Variants in CAPSL observed in about 807,000 individuals in gnomAD.
CAPSL encodes the protein calcyphosin-like protein.
CAPSL carries 17 observed loss-of-function variants against 21.3 expected under a neutral mutation model. That is an observed-to-expected ratio of 0.80 (90% confidence interval 0.55 to 1.20). CAPSL has a LOEUF of 1.20. Among genes scored for constraint, CAPSL ranks in the 50% most tolerant of loss-of-function variants. The pLI is 0.00. For synonymous variants in CAPSL, 102 were observed against 89.3 expected (o/e 1.14, Z -0.80); for missense variants, 289 against 259.3 (o/e 1.11, Z -0.79).
chr5:35,908,509 C>T (rs1322234167), intron 4 of CAPSL, among the ~76,000 whole-genome samples: 2 of 152,160 alleles, frequency 1.3e-5, no homozygotes, highest in Admixed American at 6.5e-5. Flanking sequence ...AAAAGGGTAG[C>T]TGAGGTTTCC....
intron 1 of CAPSL, 79 bp from the exon 2 acceptor site, chr5:35,921,199 C>A: frequency 6.6e-7 from 1 of 1,512,330 alleles, no homozygotes. Context: ...AGAAGCCTCA[C>A]TGAGAAGGAA....
intron 1 of CAPSL, among the ~76,000 whole-genome samples, chr5:35,929,740 A>G (rs1458768944): frequency 2.0e-5 from 3 of 152,200 alleles, no homozygotes; most frequent in Non-Finnish European, 4.4e-5. Context: ...GAGTGCTGCT[A>G]GATTTCATAC....
intron 2 of CAPSL, among the ~76,000 whole-genome samples, chr5:35,919,763 G>A (rs1738487708): frequency 6.6e-6 from 1 of 152,158 alleles, no homozygotes; most frequent in African/African-American, 2.4e-5. Flanking sequence ...CAGTAAGTGA[G>A]GCAGATGGCA....
At chr5:35,932,650 G>T (rs759013495) in intron 1 of CAPSL, among the ~76,000 whole-genome samples, 1 of 152,182 alleles carries the variant, frequency 6.6e-6, no homozygotes, top group Non-Finnish European at 1.5e-5. Context: ...TGCCTCAGTT[G>T]GCAGAAGAAA....
chr5:35,934,199 C>T (rs1738888380), intron 1 of CAPSL, among the ~76,000 whole-genome samples: 1 of 152,162 alleles, frequency 6.6e-6, no homozygotes, highest in African/African-American at 2.4e-5. Flanking sequence ...ATGGTTGAAG[C>T]CAAAAGTGTT....
At chr5:35,924,777 C>A (rs1282625490) in intron 1 of CAPSL, among the ~76,000 whole-genome samples, 1 of 152,180 alleles carries the variant, frequency 6.6e-6, no homozygotes, top group Non-Finnish European at 1.5e-5. Flanking sequence ...TAGTTTGAAT[C>A]CTGATCTCCT....
In CAPSL at chr5:35,905,023, A is replaced by G. The variant is rs577752855; in HGVS notation, c.526-377T>C. ...TGTGACACGTCAGAAACAACATGTC[A>G]TGTCCTTGTGTCAGGGTAAGTGATG... On this transcript the variant is annotated intron_variant, in intron 4 of 4. Transcript: ENST00000651391. 3.9e-5 allele frequency among the ~76,000 whole-genome samples: 6 copies of G among 152,300 alleles called. No individual in the cohort carries two copies. The South Asian group carries it at 1.2e-3, about 32-fold the overall frequency.
chr5:35,912,060 T>C (rs1738239771), intron 2 of CAPSL, among the ~76,000 whole-genome samples: 1 of 152,152 alleles, frequency 6.6e-6, no homozygotes, highest in African/African-American at 2.4e-5. Context: ...ACCAGGAGAT[T>C]ATATCCTGCA....
At chr5:35,936,903 A>C (rs1049967020) in intron 1 of CAPSL, among the ~76,000 whole-genome samples, 1 of 152,218 alleles carries the variant, frequency 6.6e-6, no homozygotes, top group African/African-American at 2.4e-5. Flanking sequence ...AGACACTTTC[A>C]GTTTAATGTT....
In CAPSL at chr5:35,921,248, C is replaced by T. The variant is rs915369416; in HGVS notation, c.1-128G>A. On this transcript the variant is annotated intron_variant, in intron 1 of 4. Transcript: ENST00000651391. ...TCTGTCAGGAAACCTCTCAGAATTT[C>T]CAATTTTTCTCTATGCCAACTGTGT... 4 of 1,181,390 alleles carry T rather than the reference C, an allele frequency of 3.4e-6. No homozygotes were observed. The East Asian group carries it at 7.6e-5, about 22-fold the overall frequency. 73.2% of individuals were successfully genotyped at this position (1,181,390 alleles called of 1,614,324 possible).
intron 4 of CAPSL, among the ~76,000 whole-genome samples, chr5:35,905,351 T>C (rs374160625): frequency 1.8e-4 from 28 of 152,304 alleles, no homozygotes; most frequent in African/African-American, 6.5e-4. Flanking sequence ...AGATAATATG[T>C]ACACTCTAAT....
rs1370377041 is a variant in CAPSL at position 35,919,066 on chromosome 5, C to G, written c.137+1918G>C. ...TGCAGAAGAAGCTCTATTTGGAAAACAAAAAACAAAAAAAATGACTTTTGT... is the reference window on the plus strand; with the variant it reads ...TGCAGAAGAAGCTCTATTTGGAAAAGAAAAAACAAAAAAAATGACTTTTGT... On this transcript the variant is annotated intron_variant, in intron 2 of 4. Coordinates refer to ENST00000651391, the MANE Select transcript of CAPSL (RefSeq NM_001042625.2). 2.1e-5 allele frequency among the ~76,000 whole-genome samples: 3 copies of G among 145,326 alleles called. No individual in the cohort carries two copies. The South Asian group carries it at 6.5e-4, about 32-fold the overall frequency.
chr5:35,908,062 T>G (rs75710767), intron 4 of CAPSL, among the ~76,000 whole-genome samples: 1,742 of 152,346 alleles, frequency 0.011, 34 homozygotes, highest in African/African-American at 0.04. Flanking sequence ...GCTCAAAAAG[T>G]GTTGCCCAGA....
intron 2 of CAPSL, among the ~76,000 whole-genome samples, chr5:35,917,058 TATGAAC>T (rs1422884940): frequency 6.6e-6 from 1 of 152,144 alleles, no homozygotes; most frequent in Non-Finnish European, 1.5e-5. Flanking sequence ...GGGCAAAGGA[TATGAAC>T]AGGCACTTCT....
intron 2 of CAPSL, among the ~76,000 whole-genome samples, chr5:35,915,424 C>A (rs1443213293): frequency 6.6e-6 from 1 of 152,184 alleles, no homozygotes; most frequent in Non-Finnish European, 1.5e-5. Flanking sequence ...GAATTTTAGA[C>A]CAATATCCCT....
At chr5:35,933,749 A>T (rs1390680964) in intron 1 of CAPSL, among the ~76,000 whole-genome samples, 1 of 152,150 alleles carries the variant, frequency 6.6e-6, no homozygotes, top group Admixed American at 6.5e-5. Flanking sequence ...GCTGTCATCC[A>T]CCTCTCAACA....
chr5:35,933,526 T>A (rs1378552284), intron 1 of CAPSL, among the ~76,000 whole-genome samples: 1 of 152,306 alleles, frequency 6.6e-6, no homozygotes, highest in East Asian at 1.9e-4. Flanking sequence ...AGGAAACCCC[T>A]GTGGTCACCA....
chr5:35,910,063 TG>T lies in CAPSL; in HGVS notation c.327del (p.Arg110GlufsTer6), dbSNP rs1738173593. 2 of 1,604,794 alleles carry T rather than the reference TG, an allele frequency of 1.2e-6. No homozygotes were observed. Among genetic ancestry groups the T allele is most frequent in the Non-Finnish European group, 1.7e-6 (2 of 1,176,964 alleles). ...TGCATGATTACCTCTTTTCTGGCTCTGGACATTGGAGGCTACAAAAATAGAA... is the reference window on the plus strand; with the variant it reads ...TGCATGATTACCTCTTTTCTGGCTCTGACATTGGAGGCTACAAAAATAGAA... Reference protein sequence around the residue: ...EFLLTLRPPMSRARKEVIMQA... With the variant: ...EFLLTLRPPMXRARKEVIMQA... On this transcript the variant is annotated frameshift_variant, in exon 4 of 5. Coordinates refer to ENST00000651391, the MANE Select transcript of CAPSL (RefSeq NM_001042625.2). LOFTEE classifies it high-confidence loss of function.
At chr5:35,918,389 G>A (rs1028953129) in intron 2 of CAPSL, among the ~76,000 whole-genome samples, 2 of 152,140 alleles carry the variant, frequency 1.3e-5, no homozygotes, top group Non-Finnish European at 2.9e-5. Context: ...GATCTCACTC[G>A]TAAGTGGGAG....
Sources: gnomAD v4.1 joint callset for allele counts (sites outside exome capture counted in the v4.1 genomes callset) on GRCh38, gnomAD v4.1.1 for gene constraint, MANE v1.5 for transcripts, NCBI Gene and HGNC (gene_info 2026-07-23, HGNC 2026-07-21) for gene names.